The following FSTL5 variants were observed in gnomAD, a reference collection of about 807,000 sequenced individuals.
FSTL5 encodes the protein follistatin like 5.
In FSTL5, 62 loss-of-function variants were observed where a neutral mutation model predicts 89.1. The observed-to-expected ratio is 0.70, with a 90% confidence interval of 0.57 to 0.86. FSTL5 has a LOEUF of 0.86. Ranked by LOEUF, FSTL5 falls within the 40% of genes least tolerant of loss-of-function variation. The pLI, the probability that FSTL5 is intolerant of heterozygous loss-of-function variation, is 0.00. For synonymous variants in FSTL5, 383 were observed against 346.2 expected, an observed-to-expected ratio of 1.11 and a Z score of -1.18; for missense variants, 1,057 against 1,001.6, an observed-to-expected ratio of 1.06 and a Z score of -0.75.
chr4:161,974,850 T>C (rs1735587783), intron 3 of FSTL5, among the ~76,000 whole-genome samples: 1 of 151,402 alleles, frequency 6.6e-6, no homozygotes, highest in Non-Finnish European at 1.5e-5. Context: ...CGCAACCTAC[T>C]CATCTGACAA....
chr4:161,822,165 A>G (rs954030756), intron 4 of FSTL5, among the ~76,000 whole-genome samples: 7 of 151,568 alleles, frequency 4.6e-5, no homozygotes, highest in African/African-American at 1.2e-4. Context: ...TTTGATTTAC[A>G]TTTTCCTGAT....
intron 15 of FSTL5, among the ~76,000 whole-genome samples, chr4:161,400,511 C>A (rs1731148847): frequency 6.6e-6 from 1 of 151,940 alleles, no homozygotes; most frequent in Admixed American, 6.6e-5. Flanking sequence ...GCAAGATAGA[C>A]ATGATGAATC....
At chr4:161,858,066 C>T (rs1263896652) in intron 4 of FSTL5, among the ~76,000 whole-genome samples, 5 of 152,074 alleles carry the variant, frequency 3.3e-5, no homozygotes, top group African/African-American at 9.7e-5. Context: ...GGAGGTGGGG[C>T]CTTTGGGGAG....
At chr4:161,574,505 C>T (rs1733143298) in intron 8 of FSTL5, among the ~76,000 whole-genome samples, 1 of 151,996 alleles carries the variant, frequency 6.6e-6, no homozygotes, top group Non-Finnish European at 1.5e-5. Flanking sequence ...TAATGCTCTC[C>T]CTCTCCTTGC....
intron 3 of FSTL5, among the ~76,000 whole-genome samples, chr4:162,018,265 C>G (rs1307746139): frequency 6.6e-6 from 1 of 152,190 alleles, no homozygotes; most frequent in East Asian, 1.9e-4. Flanking sequence ...TTTATTTATA[C>G]TCTTGGTTCA....
At chr4:161,982,161 A>C (rs1383371353) in intron 3 of FSTL5, among the ~76,000 whole-genome samples, 1 of 152,180 alleles carries the variant, frequency 6.6e-6, no homozygotes, top group Non-Finnish European at 1.5e-5. Flanking sequence ...TGGCTTCATA[A>C]ATAACAACAG....
intron 1 of FSTL5, among the ~76,000 whole-genome samples, chr4:162,141,177 C>T (rs1269193324): frequency 5.3e-5 from 4 of 75,236 alleles, no homozygotes. Context: ...AGTGCAGTGG[C>T]GCGATCTCGA....
At chr4:161,394,430 C>T (rs62325013) in intron 15 of FSTL5, among the ~76,000 whole-genome samples, 10 of 151,964 alleles carry the variant, frequency 6.6e-5, no homozygotes, top group Non-Finnish European at 1.2e-4. Context: ...GGCGTGCCAC[C>T]GTGCCCGGCA....
chr4:161,442,264 C>A (rs1732799800), intron 15 of FSTL5, among the ~76,000 whole-genome samples: 1 of 151,018 alleles, frequency 6.6e-6, no homozygotes, highest in Non-Finnish European at 1.5e-5. Context: ...CCTTAGTTTA[C>A]CTTTTAAAAG....
chr4:161,661,305 CACTAG>C (rs1335245890), intron 6 of FSTL5, among the ~76,000 whole-genome samples: 2 of 152,060 alleles, frequency 1.3e-5, no homozygotes, highest in African/African-American at 4.8e-5. Context: ...TCTGTTTAAA[CACTAG>C]ACTCATAATC....
At chr4:161,938,769 C>A (rs1404178906) in intron 3 of FSTL5, among the ~76,000 whole-genome samples, 1 of 151,944 alleles carries the variant, frequency 6.6e-6, no homozygotes, top group East Asian at 1.9e-4. Context: ...TTATAAGATC[C>A]TTTTAATAAT....
chr4:161,486,143 CAAAA>C (rs1278214856), intron 12 of FSTL5, among the ~76,000 whole-genome samples: 1 of 76,164 alleles, frequency 1.3e-5, no homozygotes, highest in African/African-American at 4.4e-5. Flanking sequence ...GACTCCGTCT[CAAAA>C]AAAAAAAAAA....
Position 161,665,823 on chromosome 4 carries a change from T to A in FSTL5, c.728-9329A>T, listed in dbSNP as rs192148904. On this transcript the variant is annotated intron_variant, in intron 6 of 15. Transcript: ENST00000306100. ...TGTTCTTCAGACAGAAGAAAAATGATTCTAGATGAACACTCACAGATGCAA... is the reference window on the plus strand; with the variant it reads ...TGTTCTTCAGACAGAAGAAAAATGAATCTAGATGAACACTCACAGATGCAA... Among the ~76,000 whole-genome samples the A allele has an allele frequency of 2.9e-3, 384 of 133,612 alleles. 3 individuals carry two copies. The highest frequency in any genetic ancestry group is 0.01 in the African/African-American group (376 of 37,054). The allele number at this position is 133,612 out of a possible 152,430, so 87.7% of individuals were successfully genotyped here. A position where few individuals can be genotyped will look rare whatever the true frequency, so the allele number is the denominator to read the frequency against.
intron 13 of FSTL5, among the ~76,000 whole-genome samples, chr4:161,473,563 G>C (rs556667851): frequency 3.2e-4 from 48 of 151,592 alleles, no homozygotes; most frequent in African/African-American, 1.1e-3. Flanking sequence ...CAAGTATGTG[G>C]GACTACAGGT....
intron 4 of FSTL5, among the ~76,000 whole-genome samples, chr4:161,868,008 C>T (rs184634668): frequency 6.6e-6 from 1 of 151,954 alleles, no homozygotes; most frequent in Admixed American, 6.6e-5. Flanking sequence ...AAGCATGATA[C>T]AAATGTATCT....
chr4:161,862,197 AG>A (rs1381720683), intron 4 of FSTL5, among the ~76,000 whole-genome samples: 2 of 152,242 alleles, frequency 1.3e-5, no homozygotes, highest in Non-Finnish European at 2.9e-5. Flanking sequence ...AGTTAAAATA[AG>A]ATGTAATAAG....
intron 3 of FSTL5, among the ~76,000 whole-genome samples, chr4:161,938,147 ATAACACC>A (rs1402213286): frequency 2.0e-5 from 3 of 152,130 alleles, no homozygotes; most frequent in African/African-American, 4.8e-5. Flanking sequence ...TTTTCTCTGC[ATAACACC>A]TAAAAAATTG....
intron 3 of FSTL5, among the ~76,000 whole-genome samples, chr4:161,976,468 G>T (rs1314201365): frequency 5.3e-5 from 8 of 152,084 alleles, no homozygotes; most frequent in Admixed American, 1.3e-4. Flanking sequence ...TTAAGGTGCA[G>T]TTAAGTTGGT....
intron 6 of FSTL5, among the ~76,000 whole-genome samples, chr4:161,715,543 C>G (rs1236568745): frequency 6.6e-6 from 1 of 152,062 alleles, no homozygotes; most frequent in Non-Finnish European, 1.5e-5. Flanking sequence ...CATGTGAGCT[C>G]TCCACCCTCC....
Sources: allele counts gnomAD v4.1 joint callset (sites outside exome capture counted in the v4.1 genomes callset), GRCh38; gene constraint gnomAD v4.1.1; transcripts MANE v1.5; gene names NCBI Gene and HGNC (gene_info 2026-07-23, HGNC 2026-07-21).